Variants in KAT7 observed in about 807,000 individuals in gnomAD.
The protein encoded by KAT7 is lysine acetyltransferase 7, also known as histone acetyltransferase KAT7.
Under a neutral mutation model 82.1 loss-of-function variants are expected in KAT7, and 10 were observed. That is an observed-to-expected ratio of 0.12 (90% CI 0.08 to 0.21). The LOEUF is 0.21. Among genes scored for constraint, KAT7 ranks in the 10% least tolerant of loss-of-function variants. The pLI is 1.00. For missense variants in KAT7, 378 were observed against 760.9 expected (o/e 0.50, Z 5.92); for synonymous variants, 250 against 262.5 (o/e 0.95, Z 0.46).
Position 49,815,872 on chromosome 17 carries a change from G to C in KAT7, c.922G>C (p.Asp308His). The C allele has an allele frequency of 6.2e-7, 1 of 1,613,844 alleles. No homozygotes were observed. The highest frequency in any genetic ancestry group is 8.5e-7 in the Non-Finnish European group (1 of 1,179,826). The change falls in exon 8 of 15, where the codon GAT becomes CAT. Residue 308 changes from aspartate (D) to histidine (H), a missense_variant. Asp to His is a moderately conservative substitution (Grantham distance 81). This residue lies in a region of KAT7 where 102 missense variants were observed against 129.8 expected (regional missense o/e 0.79). Coordinates refer to ENST00000259021, the MANE Select transcript of KAT7 (RefSeq NM_007067.5). ...LENLTSEYDL[D>H]LFRRAQARAS... is the part of the protein sequence containing the mutation. ...AAACCTGACAAGCGAGTATGACTTG[G>C]ATCTTTTCCGAAGAGCACAAGCCCG...
intron 5 of KAT7, among the ~76,000 whole-genome samples, chr17:49,806,669 A>C (rs1427286111): frequency 6.6e-6 from 1 of 152,254 alleles, no homozygotes; most frequent in African/African-American, 2.4e-5. Flanking sequence ...GGTTTTACAT[A>C]AAAATCTTCC....
rs980381736 is a variant in KAT7, at chr17:49,829,389, A to G, written c.*1887A>G. On this transcript the variant is annotated 3_prime_UTR_variant, in exon 15 of 15. Coordinates refer to ENST00000259021, the MANE Select transcript of KAT7 (RefSeq NM_007067.5). ...ATTACCCATTCTTTCACTAAGTGCC[A>G]TTTTCCACTGATTTTAGGGGCAAAG... is the stretch of plus-strand genomic sequence containing the variant. 3 of 152,178 alleles carry G rather than the reference A, an allele frequency of 2.0e-5. No individual in the cohort carries two copies. The highest frequency in any genetic ancestry group is 7.2e-5 in the African/African-American group (3 of 41,436). The allele number at this position is 152,178 out of a possible 1,614,324, so 9.4% of individuals were successfully genotyped here.
At chr17:49,814,092 A>G (rs1158263958) in intron 7 of KAT7, among the ~76,000 whole-genome samples, 1 of 152,050 alleles carries the variant, frequency 6.6e-6, no homozygotes, top group Non-Finnish European at 1.5e-5. Context: ...GGGTTTTACC[A>G]TGTTGCCCAG....
chr17:49,798,271 A>G, intron 3 of KAT7, 48 bp from the exon 4 acceptor site: 4 of 1,581,444 alleles, frequency 2.5e-6, no homozygotes, highest in African/African-American at 1.3e-5. Context: ...GTAAACTTCT[A>G]AATAAATGAA....
At chr17:49,810,382 A>G (rs2074147467) in intron 6 of KAT7, among the ~76,000 whole-genome samples, 2 of 152,048 alleles carry the variant, frequency 1.3e-5, no homozygotes, top group Non-Finnish European at 2.9e-5. Flanking sequence ...TCAGTCTCCC[A>G]AGTAGCTGGG....
intron 12 of KAT7, among the ~76,000 whole-genome samples, chr17:49,825,296 T>C (rs2074355490): frequency 1.3e-5 from 2 of 152,230 alleles, no homozygotes; most frequent in African/African-American, 2.4e-5. Flanking sequence ...TCATAGGTGG[T>C]ACTGAGCTAA....
At chr17:49,793,051 A>G (rs1030188678) in intron 2 of KAT7, among the ~76,000 whole-genome samples, 1 of 152,168 alleles carries the variant, frequency 6.6e-6, no homozygotes, top group African/African-American at 2.4e-5. Flanking sequence ...GGACTCAAGC[A>G]GTCCTTCCAC....
intron 7 of KAT7, among the ~76,000 whole-genome samples, chr17:49,813,459 C>T (rs2074195491): frequency 6.6e-6 from 1 of 152,060 alleles, no homozygotes; most frequent in South Asian, 2.1e-4. Context: ...GATTCTTAAA[C>T]ATAGGGCATG....
intron 1 of KAT7, among the ~76,000 whole-genome samples, chr17:49,791,329 C>T (rs1287662430): frequency 6.6e-6 from 1 of 152,142 alleles, no homozygotes; most frequent in Non-Finnish European, 1.5e-5. Flanking sequence ...TCCAAATGGT[C>T]TTGGTTAATA....
At chr17:49,788,877 G>A in intron 1 of KAT7, 28 bp downstream of exon 1, 1 of 1,572,132 alleles carries the variant, frequency 6.4e-7, no homozygotes, top group Non-Finnish European at 8.7e-7. Flanking sequence ...AGGGATGGCG[G>A]GTTTCTAAGG....
At chr17:49,826,972 T>A in intron 14 of KAT7, 173 bp downstream of exon 14, 3 of 525,252 alleles carry the variant, frequency 5.7e-6, no homozygotes, top group Non-Finnish European at 1.0e-5. Context: ...CTTATCCTTA[T>A]CAGAAGGTTT....
intron 11 of KAT7, 148 bp from the exon 12 acceptor site, chr17:49,823,054 G>A: frequency 1.7e-6 from 1 of 599,616 alleles, no homozygotes; most frequent in East Asian, 2.9e-5. Flanking sequence ...TAAAGGGTGT[G>A]GTTATAACAG....
chr17:49,826,314 GTTA>G (rs1195843825), intron 13 of KAT7, 168 bp downstream of exon 13: 6 of 608,090 alleles, frequency 9.9e-6, no homozygotes, highest in Non-Finnish European at 1.7e-5. Flanking sequence ...CCTGGGAATG[GTTA>G]TTAATTGGCT....
intron 4 of KAT7, among the ~76,000 whole-genome samples, chr17:49,802,433 C>T (rs762864309): frequency 1.3e-5 from 2 of 152,030 alleles, no homozygotes; most frequent in Non-Finnish European, 2.9e-5. Flanking sequence ...TTTGGGAGGC[C>T]GAGGTGGGCA....
chr17:49,799,827 C>CTT (rs1182762465), intron 4 of KAT7, among the ~76,000 whole-genome samples: 1 of 139,900 alleles, frequency 7.1e-6, no homozygotes, highest in African/African-American at 2.6e-5. Flanking sequence ...TCAAGCTTGG[C>CTT]TTTTTTTTTT....
chr17:49,834,669 C>T lies in KAT7; in HGVS notation c.*7167C>T, dbSNP rs929955027. 9 of 152,316 alleles carry T rather than the reference C, an allele frequency of 5.9e-5. No individual in the cohort carries two copies. The highest frequency in any genetic ancestry group is 4.2e-4 in the South Asian group (2 of 4,818). 9.4% of individuals were successfully genotyped at this position (152,316 alleles called of 1,614,324 possible). A position where few individuals can be genotyped will look rare whatever the true frequency, so the allele number is the denominator to read the frequency against. On this transcript the variant is annotated 3_prime_UTR_variant, in exon 15 of 15. Coordinates refer to ENST00000259021, the MANE Select transcript of KAT7 (RefSeq NM_007067.5). Reference sequence around the variant, plus strand: ...TTTACTGAGAAAGCCTCCACTTCAACGTTCCATGAAGTGTGTTCCATTAAA... The same window carrying T: ...TTTACTGAGAAAGCCTCCACTTCAATGTTCCATGAAGTGTGTTCCATTAAA...
rs1170574411 is a variant in KAT7 at position 49,816,397 on chromosome 17, A to G, written c.963+484A>G. The stretch of plus-strand genomic sequence containing the variant: ...TTAATCTTTGACACAGCCAAGTTTG[A>G]TACATTGGTTTTCCATTCTGATATT... On this transcript the variant is annotated intron_variant, in intron 8 of 14. Coordinates refer to ENST00000259021, the MANE Select transcript of KAT7 (RefSeq NM_007067.5). Among the ~76,000 whole-genome samples, 6 of 147,142 alleles carry G rather than the reference A, an allele frequency of 4.1e-5. No homozygotes were observed. In the East Asian group the frequency reaches 1.2e-3, roughly 28 times the overall value.
chr17:49,792,529 A>G (rs1381445410), intron 2 of KAT7, among the ~76,000 whole-genome samples: 2 of 151,930 alleles, frequency 1.3e-5, no homozygotes, highest in African/African-American at 4.8e-5. Flanking sequence ...TGGGCCAGTG[A>G]TATGTGGGCC....
chr17:49,809,307 G>A (rs975732077), intron 6 of KAT7, 99 bp downstream of exon 6: 2 of 798,170 alleles, frequency 2.5e-6, no homozygotes, highest in Admixed American at 4.9e-5. Context: ...CTCATTTCCT[G>A]TGGTATATCT....
Sources: gnomAD v4.1 joint callset for allele counts (sites outside exome capture counted in the v4.1 genomes callset) on GRCh38, gnomAD v4.1.1 for gene constraint, gnomAD v4.1.1 regional missense constraint, MANE v1.5 for transcripts, NCBI Gene and HGNC (gene_info 2026-07-23, HGNC 2026-07-21) for gene names.